Variants in EPG5 observed in about 807,000 individuals in gnomAD.
EPG5 encodes ectopic P-granules 5 autophagy tethering factor.
Under a neutral mutation model 302.7 loss-of-function variants are expected in EPG5, and 159 were observed. The observed-to-expected ratio is 0.53, with a 90% confidence interval of 0.46 to 0.60. EPG5 has a LOEUF of 0.60. Ranked by LOEUF, EPG5 falls within the 20% of genes least tolerant of loss-of-function variation. The probability of loss-of-function intolerance (pLI) is 0.00; values close to 1 mark genes in which losing one functional copy is unlikely to be tolerated. For synonymous variants in EPG5, 1,158 were observed against 1,136.8 expected, an observed-to-expected ratio of 1.02 and a Z score of -0.37; for missense variants, 2,896 against 3,092.4, an observed-to-expected ratio of 0.94 and a Z score of 1.51.
Position 45,879,179 on chromosome 18 carries a change from A to C in EPG5, c.5703T>G (p.Phe1901Leu), listed in dbSNP as rs954756857. ...METIQWLSDF[F>L]YKLRLSKMDF... Reference sequence around the variant, plus strand: ...CCATCTTGGATAACCGAAGCTTATAAAAAAAGTCTGAAAGCCACTGTATAG... The same window carrying C: ...CCATCTTGGATAACCGAAGCTTATACAAAAAGTCTGAAAGCCACTGTATAG... The change falls in exon 33 of 44, where the codon TTT (phenylalanine) becomes TTG (leucine). Residue 1901 changes from phenylalanine (F) to leucine (L), a missense_variant. Coordinates refer to ENST00000282041, the MANE Select transcript of EPG5 (RefSeq NM_020964.3). 6.2e-7 allele frequency: 1 copy of C among 1,613,748 alleles called. No individual in the cohort carries two copies. Among genetic ancestry groups the C allele is most frequent in the Non-Finnish European group, 8.5e-7 (1 of 1,179,956 alleles).
At chr18:45,945,996 C>G (rs1388960640) in intron 7 of EPG5, among the ~76,000 whole-genome samples, 1 of 152,178 alleles carries the variant, frequency 6.6e-6, no homozygotes, top group African/African-American at 2.4e-5. Context: ...ACTGGACATT[C>G]TAGACAAGAA....
chr18:45,897,028 G>T (rs1047413347), intron 27 of EPG5, among the ~76,000 whole-genome samples: 1 of 152,192 alleles, frequency 6.6e-6, no homozygotes, highest in Non-Finnish European at 1.5e-5. Context: ...CAAAGCAAAA[G>T]ATTATGTTTA....
At position 45,951,202 on chromosome 18, in the gene EPG5, C is replaced by A; in HGVS notation, c.1289G>T (p.Cys430Phe). The A allele has an allele frequency of 1.3e-6, 2 of 1,590,406 alleles. No individual in the cohort carries two copies. The highest frequency in any genetic ancestry group is 1.7e-6 in the Non-Finnish European group (2 of 1,170,074). The change falls in exon 4 of 44, where the codon TGT becomes TTT. Residue 430 changes from cysteine to phenylalanine, a missense_variant. This residue lies in a region of EPG5 where 1,390 missense variants were observed against 1,430.0 expected (regional missense o/e 0.97). Transcript: ENST00000282041. Reference sequence around the variant, plus strand: ...GACACTAATGCATTCCTTTAGTTGACACAGATCAGAGGGAATGCTTTCTGT... The same window carrying A: ...GACACTAATGCATTCCTTTAGTTGAAACAGATCAGAGGGAATGCTTTCTGT... ...KQTESIPSDL[C>F]QLKECISVLF...
chr18:45,916,248 G>C, intron 18 of EPG5, 42 bp from the exon 19 acceptor site: 1 of 1,566,776 alleles, frequency 6.4e-7, no homozygotes, highest in Non-Finnish European at 8.6e-7. Flanking sequence ...ATAACAACCA[G>C]CCTCTCATTT....
rs1416447634 is a variant in EPG5 at position 45,952,495 on chromosome 18, G to C, written c.1157C>G (p.Ser386Cys). 6.2e-7 allele frequency: 1 copy of C among 1,614,226 alleles called. No homozygotes were observed. Among genetic ancestry groups the C allele is most frequent in the Non-Finnish European group, 8.5e-7 (1 of 1,180,036 alleles). The change falls in exon 3 of 44, where the codon TCT becomes TGT. Residue 386 changes from serine (S) to cysteine (C), a missense_variant. Ser to Cys is a moderately radical substitution (Grantham distance 112). Around this residue, in one of 5 missense-constraint regions of EPG5, gnomAD observed 1,390 missense variants for 1,430.0 expected, o/e 0.97. Transcript: ENST00000282041. ...HQTLALHSYT[S>C]VLSRLQVESY... ...CTCCACTTGCAATCTTGAGAGCACA[G>C]AAGTATAAGAATGAAGGGCCAGGGT...
chr18:45,956,461 A>ATT (rs57253117), intron 1 of EPG5, among the ~76,000 whole-genome samples: 7 of 119,148 alleles, frequency 5.9e-5, no homozygotes, highest in African/African-American at 2.6e-4. Context: ...TTATTTATTT[A>ATT]TTTTTTTTTT....
At chr18:45,816,920 A>G in the EPG5 span, among the ~76,000 whole-genome samples, 2 of 152,246 alleles carry the variant, frequency 1.3e-5, no homozygotes, top group Non-Finnish European at 2.9e-5. Context: ...TATGTGGTGG[A>G]ATACTACTCA....
chr18:45,946,069 C>T (rs568594631), intron 7 of EPG5, among the ~76,000 whole-genome samples: 2 of 152,314 alleles, frequency 1.3e-5, no homozygotes, highest in South Asian at 4.1e-4. Flanking sequence ...GAGAACAGAA[C>T]TGCTTACAAA....
chr18:45,963,120 C>T (rs929727404), intron 1 of EPG5, among the ~76,000 whole-genome samples: 6 of 152,138 alleles, frequency 3.9e-5, no homozygotes, highest in African/African-American at 1.4e-4. Context: ...AGGTCCCTCC[C>T]TCAGTGAGTT....
At position 45,954,478 on chromosome 18, in the gene EPG5, T is replaced by C; in HGVS notation, c.924A>G (p.Glu308=). The C allele has an allele frequency of 1.2e-6, 2 of 1,614,268 alleles. No homozygotes were observed. The highest frequency in any genetic ancestry group is 1.7e-5 in the Admixed American group (1 of 60,034). ...SRCRKQLLLA[E]AELLTLTSDC... is the part of the protein sequence containing the mutation. ...CAGATGTCAGAGTAAGCAGCTCAGC[T>C]TCAGCCAGCAGCAGTTGCTTCCTAC... Residue 308 remains glutamate, a synonymous_variant, in exon 2 of 44, where the codon GAA becomes GAG. Transcript: ENST00000282041.
chr18:45,835,412 T>G, the EPG5 span, among the ~76,000 whole-genome samples: 1 of 152,128 alleles, frequency 6.6e-6, no homozygotes, highest in African/African-American at 2.4e-5. Flanking sequence ...AATTATGGGA[T>G]GGAGGCAACG....
intron 9 of EPG5, among the ~76,000 whole-genome samples, chr18:45,940,246 A>G (rs1389487567): frequency 6.6e-6 from 1 of 152,220 alleles, no homozygotes; most frequent in Non-Finnish European, 1.5e-5. Flanking sequence ...AAGGAGGCCA[A>G]TGTGCTGAGA....
At chr18:45,874,048 C>T (rs769185248) in intron 35 of EPG5, among the ~76,000 whole-genome samples, 22 of 152,216 alleles carry the variant, frequency 1.4e-4, no homozygotes, top group Non-Finnish European at 2.9e-4. Flanking sequence ...ATTTTTAAGG[C>T]AGTGAAACTG....
chr18:45,866,854 T>G lies in EPG5; in HGVS notation c.6565A>C (p.Lys2189Gln). Residue 2189 changes from lysine to glutamine, a missense_variant, in exon 38 of 44, where the codon AAG (lysine) becomes CAG (glutamine). By Grantham distance (53) the Lys-to-Gln change is moderately conservative (BLOSUM62 1). This residue lies in a region of EPG5 where 620 missense variants were observed against 704.2 expected (regional missense o/e 0.88). Transcript: ENST00000282041. ...AKESYAELIM[K>Q]LLKVSAGLSI... is the part of the protein sequence containing the mutation. ...AGGCCCGCAGACACTTTTAGGAGCT[T>G]CATGATTAATTCAGCATAAGATTCT... 6.2e-7 allele frequency: 1 copy of G among 1,614,164 alleles called. No homozygotes were observed. Among genetic ancestry groups the G allele is most frequent in the Non-Finnish European group, 8.5e-7 (1 of 1,180,032 alleles).
At position 45,939,701 on chromosome 18, in the gene EPG5, T is replaced by C. The variant is rs757641552; in HGVS notation, c.1998A>G (p.Gln666=). 2.5e-6 allele frequency: 4 copies of C among 1,613,914 alleles called. No homozygotes were observed. The highest frequency in any genetic ancestry group is 3.4e-6 in the Non-Finnish European group (4 of 1,179,982). Reference sequence around the variant, plus strand: ...AGGGCTGTTGGGCCAATCCTGAGCCTTGGTTATGGCTCACATACTGTGCCC... The same window carrying C: ...AGGGCTGTTGGGCCAATCCTGAGCCCTGGTTATGGCTCACATACTGTGCCC... ...DHWAQYVSHN[Q]GSGLAQQPYS... The change falls in exon 10 of 44, where the codon CAA becomes CAG. Residue 666 remains glutamine (Q), a synonymous_variant. Coordinates refer to ENST00000282041, the MANE Select transcript of EPG5 (RefSeq NM_020964.3).
rs754676829 is a variant in EPG5 at position 45,908,090 on chromosome 18, T to TA, written c.4206-10dup. 1.1e-5 allele frequency: 17 copies of TA among 1,498,320 alleles called. No individual in the cohort carries two copies. The East Asian group carries it at 4.0e-4, about 35-fold the overall frequency. The allele number at this position is 1,498,320 out of a possible 1,614,324, so 92.8% of individuals were successfully genotyped here. On this transcript the variant is annotated splice_polypyrimidine_tract_variant and intron_variant, in intron 23 of 43. Transcript: ENST00000282041. ...TATATACATTGAAGAGCCTAAAAGA[T>TA]AAAAACATAATTATACGAAACATAA...
At chr18:45,899,992 A>G (rs1209392231) in intron 26 of EPG5, among the ~76,000 whole-genome samples, 1 of 152,240 alleles carries the variant, frequency 6.6e-6, no homozygotes. Flanking sequence ...ATGGGGTGTC[A>G]AAACTGGTCT....
At chr18:45,943,931 A>G in intron 8 of EPG5, 74 bp downstream of exon 8, 1 of 954,062 alleles carries the variant, frequency 1.0e-6, no homozygotes. Context: ...AAAAAAAAAA[A>G]GAAGACTCAA....
At chr18:45,882,159 TA>T in intron 31 of EPG5, 114 bp downstream of exon 31, 1 of 934,420 alleles carries the variant, frequency 1.1e-6, no homozygotes, top group Non-Finnish European at 1.6e-6. Context: ...TTAGTGATTC[TA>T]AACTCCTATA....
Sources: allele counts gnomAD v4.1 joint callset (sites outside exome capture counted in the v4.1 genomes callset), GRCh38; gene constraint gnomAD v4.1.1; regional missense constraint gnomAD v4.1.1; transcripts MANE v1.5; gene names NCBI Gene and HGNC (gene_info 2026-07-23, HGNC 2026-07-21).